Variants in RGSL1 observed in about 807,000 individuals in gnomAD.
The protein encoded by RGSL1 is regulator of G protein signaling protein-like.
In RGSL1, 97 loss-of-function variants were observed where a neutral mutation model predicts 124.7. The ratio of observed to expected loss-of-function variants is 0.78; its 90% CI spans 0.66 to 0.92. RGSL1 has a LOEUF of 0.92. Ranked by LOEUF, RGSL1 falls within the 40% of genes least tolerant of loss-of-function variation. The pLI, the probability that RGSL1 is intolerant of heterozygous loss-of-function variation, is 0.00. For synonymous variants in RGSL1, 424 were observed against 438.1 expected, an observed-to-expected ratio of 0.97 and a Z score of 0.40; for missense variants, 1,233 against 1,288.4, an observed-to-expected ratio of 0.96 and a Z score of 0.66.
chr1:182,547,128 T>C (rs770639713), intron 15 of RGSL1, among the ~76,000 whole-genome samples: 6 of 152,236 alleles, frequency 3.9e-5, no homozygotes, highest in East Asian at 1.9e-4. Context: ...GGTTTTGACA[T>C]TGGATATACA....
chr1:182,478,029 C>T (rs1245926554), intron 6 of RGSL1, among the ~76,000 whole-genome samples: 1 of 152,154 alleles, frequency 6.6e-6, no homozygotes, highest in Admixed American at 6.5e-5. Flanking sequence ...AAAATAACAT[C>T]TGAAAAAAAA....
chr1:182,462,315 G>T (rs1182800646), intron 4 of RGSL1, among the ~76,000 whole-genome samples: 4 of 152,076 alleles, frequency 2.6e-5, no homozygotes, highest in Non-Finnish European at 5.9e-5. Flanking sequence ...ATAAACAAAA[G>T]TTGAGGGAGC....
chr1:182,553,720 T>C (rs898322506), intron 19 of RGSL1, among the ~76,000 whole-genome samples, 179 bp downstream of exon 19: 1 of 152,214 alleles, frequency 6.6e-6, no homozygotes, highest in African/African-American at 2.4e-5. Flanking sequence ...TTTAGTCTCC[T>C]GACCTCCTTC....
At chr1:182,496,713 G>A (rs1655940419) in intron 9 of RGSL1, among the ~76,000 whole-genome samples, 1 of 152,162 alleles carries the variant, frequency 6.6e-6, no homozygotes, top group East Asian at 1.9e-4. Context: ...ACATCTGGCA[G>A]CCTTATATTT....
chr1:182,472,582 G>A lies in RGSL1; in HGVS notation c.463+25G>A, dbSNP rs1310815818. The A allele has an allele frequency of 3.4e-6, 5 of 1,491,890 alleles. No individual in the cohort carries two copies. The Admixed American group carries it at 6.4e-5, about 19-fold the overall frequency. 92.4% of individuals were successfully genotyped at this position (1,491,890 alleles called of 1,614,324 possible). A position where few individuals can be genotyped will look rare whatever the true frequency, so the allele number is the denominator to read the frequency against. ...AGTAAGAATTATAAAGCATCTTTTTGGGGGGATGCAACAAAAAAGTAAATC... is the reference window on the plus strand; with the variant it reads ...AGTAAGAATTATAAAGCATCTTTTTAGGGGGATGCAACAAAAAAGTAAATC... On this transcript the variant is annotated intron_variant, in intron 5 of 21. Coordinates refer to ENST00000294854, the MANE Select transcript of RGSL1 (RefSeq NM_001137669.2).
chr1:182,520,063 A>C (rs1021279047), intron 9 of RGSL1, among the ~76,000 whole-genome samples: 3 of 152,084 alleles, frequency 2.0e-5, no homozygotes, highest in Admixed American at 6.6e-5. Flanking sequence ...GTCTTTTAAA[A>C]TATCTTGTTA....
intron 9 of RGSL1, among the ~76,000 whole-genome samples, chr1:182,501,327 T>C (rs1386904754): frequency 8.3e-6 from 1 of 120,910 alleles, no homozygotes; most frequent in African/African-American, 3.5e-5. Flanking sequence ...TTTTTTTTTT[T>C]TTTTTTTTTT....
intron 10 of RGSL1, among the ~76,000 whole-genome samples, chr1:182,526,964 A>G (rs1658794265): frequency 6.6e-6 from 1 of 152,334 alleles, no homozygotes; most frequent in Admixed American, 6.5e-5. Context: ...ACTAATAACT[A>G]TAACATAAAG....
At chr1:182,455,393 C>G (rs1246572185) in intron 2 of RGSL1, among the ~76,000 whole-genome samples, 1 of 152,018 alleles carries the variant, frequency 6.6e-6, no homozygotes, top group Non-Finnish European at 1.5e-5. Context: ...ACCAGCCTGG[C>G]CAACATGGTG....
chr1:182,484,537 A>G (rs1654947650), intron 6 of RGSL1, among the ~76,000 whole-genome samples: 1 of 152,150 alleles, frequency 6.6e-6, no homozygotes, highest in Non-Finnish European at 1.5e-5. Context: ...TCAATTTCCC[A>G]GGAAGGCGTG....
intron 9 of RGSL1, among the ~76,000 whole-genome samples, chr1:182,511,439 C>T (rs1342528754): frequency 6.6e-6 from 1 of 152,194 alleles, no homozygotes; most frequent in East Asian, 1.9e-4. Context: ...GCTGGGATTA[C>T]AGGTTTACAG....
chr1:182,527,506 C>T (rs1658835611), intron 10 of RGSL1, 73 bp from the exon 11 acceptor site: 1 of 1,303,904 alleles, frequency 7.7e-7, no homozygotes, highest in Non-Finnish European at 1.1e-6. Context: ...TGCACTTCCC[C>T]ATTTCCTAAT....
intron 1 of RGSL1, among the ~76,000 whole-genome samples, chr1:182,452,241 G>A (rs1651902092): frequency 6.6e-6 from 1 of 152,060 alleles, no homozygotes; most frequent in South Asian, 2.1e-4. Flanking sequence ...CAGAGTGAAG[G>A]AGAGAAGCCT....
chr1:182,490,989 C>T (rs140403254), intron 8 of RGSL1, among the ~76,000 whole-genome samples: 1 of 147,706 alleles, frequency 6.8e-6, no homozygotes, highest in African/African-American at 2.5e-5. Context: ...TTCCCAGACT[C>T]AAGCGAAGCT....
At chr1:182,453,932 T>G (rs1276716569) in intron 1 of RGSL1, 26 bp from the exon 2 acceptor site, 2 of 1,275,432 alleles carry the variant, frequency 1.6e-6, no homozygotes, top group South Asian at 2.6e-5. Context: ...CATGTTTTGT[T>G]TTTTTATTTC....
At chr1:182,515,673 A>G (rs191807594) in intron 9 of RGSL1, among the ~76,000 whole-genome samples, 2 of 152,156 alleles carry the variant, frequency 1.3e-5, no homozygotes, top group African/African-American at 2.4e-5. Context: ...CATTGGGGGA[A>G]TGGCTCCGCC....
At chr1:182,483,995 G>A (rs1654904152) in intron 6 of RGSL1, among the ~76,000 whole-genome samples, 1 of 152,088 alleles carries the variant, frequency 6.6e-6, no homozygotes, top group African/African-American at 2.4e-5. Context: ...AGGTCCCTAG[G>A]GATGAGGCAC....
chr1:182,473,392 G>T (rs1164585467), intron 5 of RGSL1, among the ~76,000 whole-genome samples, 183 bp from the exon 6 acceptor site: 1 of 152,140 alleles, frequency 6.6e-6, no homozygotes, highest in African/African-American at 2.4e-5. Flanking sequence ...ATCCCTGTGT[G>T]CTGAGAAAAC....
chr1:182,477,874 C>T (rs1261644865), intron 6 of RGSL1, among the ~76,000 whole-genome samples: 2 of 152,108 alleles, frequency 1.3e-5, no homozygotes, highest in Non-Finnish European at 2.9e-5. Context: ...GAGGTGACTC[C>T]TCCGTCAAGC....
Sources: gnomAD v4.1 joint callset for allele counts (sites outside exome capture counted in the v4.1 genomes callset) on GRCh38, gnomAD v4.1.1 for gene constraint, MANE v1.5 for transcripts, NCBI Gene and HGNC (gene_info 2026-07-23, HGNC 2026-07-21) for gene names.